PSKH1: variants seen among roughly 807,000 people sequenced by gnomAD.
PSKH1 encodes serine/threonine-protein kinase H1.
In PSKH1, 12 loss-of-function variants were observed where a neutral mutation model predicts 26.7. That is an observed-to-expected ratio of 0.45 (90% CI 0.29 to 0.73). PSKH1 has a LOEUF of 0.73. PSKH1 is among the 30% of genes least tolerant of loss of function. The pLI, the probability that PSKH1 is intolerant of heterozygous loss-of-function variation, is 0.11. For missense variants in PSKH1, 431 were observed against 595.2 expected, an observed-to-expected ratio of 0.72 and a Z score of 2.87; for synonymous variants, 213 against 234.3, an observed-to-expected ratio of 0.91 and a Z score of 0.83.
Position 67,909,026 on chromosome 16 carries a change from C to G in PSKH1, c.277C>G (p.Arg93Gly). 1 of 1,614,140 alleles carries G rather than the reference C, an allele frequency of 6.2e-7. No individual in the cohort carries two copies. The highest frequency in any genetic ancestry group is 8.5e-7 in the Non-Finnish European group (1 of 1,180,028). Reference sequence around the variant, plus strand: ...TAAGTACAGGGCCAAGTTTGACCCACGTGTTACAGCTAAGTATGACATCAA... The same window carrying G: ...TAAGTACAGGGCCAAGTTTGACCCAGGTGTTACAGCTAAGTATGACATCAA... ...VAKYRAKFDP[R>G]VTAKYDIKAL... The change falls in exon 2 of 3, where the codon CGT becomes GGT. Residue 93 changes from arginine (R) to glycine (G), a missense_variant. Arg to Gly is a moderately radical substitution (Grantham distance 125). Transcript: ENST00000291041. The surrounding 1 kb of genome is among the most constrained non-coding windows in gnomAD (Gnocchi z 7.8).
rs114583394 is a variant in PSKH1 at position 67,916,877 on chromosome 16, C to T, written c.957+7171C>T. ...AGAGGATTCCAGGCTACCCTCTGAC[C>T]TGGAGAGCATGTGGGGTCCTGCCTA... On this transcript the variant is annotated intron_variant, in intron 2 of 2. Transcript: ENST00000291041. Among the ~76,000 whole-genome samples, 439 of 152,204 alleles carry T rather than the reference C, an allele frequency of 2.9e-3. 4 individuals carry two copies. Among genetic ancestry groups the T allele is most frequent in the African/African-American group, 0.01 (417 of 41,508 alleles).
chr16:67,922,369 G>T (rs144354004), intron 2 of PSKH1, among the ~76,000 whole-genome samples: 1 of 152,262 alleles, frequency 6.6e-6, no homozygotes, highest in African/African-American at 2.4e-5. Context: ...TTTGAAGGTG[G>T]GAATAGTGGG....
At chr16:67,903,931 C>A (rs1348024479) in intron 1 of PSKH1, among the ~76,000 whole-genome samples, 1 of 149,676 alleles carries the variant, frequency 6.7e-6, no homozygotes, top group Non-Finnish European at 1.5e-5. Context: ...CTCACTGCAG[C>A]CTTGATCTCT....
intron 2 of PSKH1, among the ~76,000 whole-genome samples, chr16:67,918,554 T>C (rs2058193805): frequency 6.6e-6 from 1 of 151,486 alleles, no homozygotes; most frequent in Non-Finnish European, 1.5e-5. Context: ...TGGGGCTAAG[T>C]ATACCTGAAG....
chr16:67,909,284 G>A lies in PSKH1; in HGVS notation c.535G>A (p.Glu179Lys). 6.2e-7 allele frequency: 1 copy of A among 1,614,162 alleles called. No individual in the cohort carries two copies. Among genetic ancestry groups the A allele is most frequent in the South Asian group, 1.1e-5 (1 of 91,078 alleles). Residue 179 changes from glutamate to lysine, a missense_variant, in exon 2 of 3, where the codon GAG becomes AAG. Glu to Lys is a moderately conservative substitution (Grantham distance 56, BLOSUM62 1). Transcript: ENST00000291041. The surrounding 1 kb of genome is among the most constrained non-coding windows in gnomAD (Gnocchi z 7.8). Reference protein sequence around the residue: ...YMVMELATGGELFDRIIAKGS... With the variant: ...YMVMELATGGKLFDRIIAKGS... ...GGTGATGGAGCTGGCCACTGGTGGA[G>A]AGCTCTTTGACCGCATCATTGCCAA...
intron 1 of PSKH1, among the ~76,000 whole-genome samples, chr16:67,894,223 G>C (rs938440112): frequency 3.3e-5 from 5 of 152,154 alleles, no homozygotes; most frequent in African/African-American, 1.2e-4. Flanking sequence ...CTCATTCATA[G>C]CTCACTGCAG....
chr16:67,911,446 G>A (rs1375410416), intron 2 of PSKH1, among the ~76,000 whole-genome samples: 1 of 152,126 alleles, frequency 6.6e-6, no homozygotes, highest in Non-Finnish European at 1.5e-5. Context: ...ACTTTGGGAG[G>A]CCGAGACAGG....
Position 67,909,789 on chromosome 16 carries a change from T to G in PSKH1, c.957+83T>G. 121 of 1,297,828 alleles carry G rather than the reference T, an allele frequency of 9.3e-5. No homozygotes were observed. The highest frequency in any genetic ancestry group is 1.2e-4 in the Non-Finnish European group (109 of 930,812). The allele number at this position is 1,297,828 out of a possible 1,614,324, so 80.4% of individuals were successfully genotyped here. A position where few individuals can be genotyped will look rare whatever the true frequency, so the allele number is the denominator to read the frequency against. The stretch of plus-strand genomic sequence containing the variant: ...ATCCTGCAGCTCTCAGTCAGAGGTA[T>G]GTCCTCAGGGCCATGCTCGTGAGGG... On this transcript the variant is annotated intron_variant, in intron 2 of 2. Coordinates refer to ENST00000291041, the MANE Select transcript of PSKH1 (RefSeq NM_006742.3). The surrounding 1 kb of genome is among the most constrained non-coding windows in gnomAD (Gnocchi z 7.8).
chr16:67,894,847 CTT>C (rs575854207), intron 1 of PSKH1, among the ~76,000 whole-genome samples: 14 of 151,318 alleles, frequency 9.3e-5, no homozygotes, highest in Non-Finnish European at 1.9e-4. Flanking sequence ...AGTACAGCCT[CTT>C]AATCCTGGAT....
chr16:67,918,337 G>C (rs892876636), intron 2 of PSKH1, among the ~76,000 whole-genome samples: 1 of 152,030 alleles, frequency 6.6e-6, no homozygotes, highest in African/African-American at 2.4e-5. Flanking sequence ...AGCTGTGGGT[G>C]AGCCCAGGTG....
chr16:67,917,211 A>G (rs1281465367), intron 2 of PSKH1, among the ~76,000 whole-genome samples: 1 of 152,200 alleles, frequency 6.6e-6, no homozygotes, highest in African/African-American at 2.4e-5. Flanking sequence ...GAAACTGAGG[A>G]TGGTGAGGTT....
rs1232398074 is a variant in PSKH1 at position 67,927,436 on chromosome 16, A to C, written c.1069A>C (p.Ser357Arg). ...LQALRHPWVV[S>R]MAASSSMKNL... is the part of the protein sequence containing the mutation. Reference sequence around the variant, plus strand: ...GGCCCTGAGGCACCCGTGGGTGGTGAGCATGGCTGCCTCTTCATCCATGAA... The same window carrying C: ...GGCCCTGAGGCACCCGTGGGTGGTGCGCATGGCTGCCTCTTCATCCATGAA... The change falls in exon 3 of 3, where the codon AGC becomes CGC. Residue 357 changes from serine (S) to arginine (R), a missense_variant. Ser to Arg is a moderately radical substitution (Grantham distance 110). Transcript: ENST00000291041. The surrounding 1 kb of genome is among the most constrained non-coding windows in gnomAD (Gnocchi z 5.5). 1 of 1,614,066 alleles carries C rather than the reference A, an allele frequency of 6.2e-7. No individual in the cohort carries two copies. The highest frequency in any genetic ancestry group is 8.5e-7 in the Non-Finnish European group (1 of 1,180,044).
chr16:67,898,625 CTTTTTTT>C lies in PSKH1; in HGVS notation c.-71+5263_-71+5269del, dbSNP rs141319654. 2.1e-4 allele frequency among the ~76,000 whole-genome samples: 29 copies of C among 139,064 alleles called. No individual in the cohort carries two copies. In the South Asian group the frequency reaches 6.2e-3, roughly 30 times the overall value. The allele number at this position is 139,064 out of a possible 152,430, so 91.2% of individuals were successfully genotyped here. On this transcript the variant is annotated intron_variant, in intron 1 of 2. Transcript: ENST00000291041. ...AGTTTTTCTTTCTTTTTCTTTCTTTCTTTTTTTTTTTTTTTGGAGATGGAGTCTCGCT... is the reference window on the plus strand; with the variant it reads ...AGTTTTTCTTTCTTTTTCTTTCTTTCTTTTTTTTGGAGATGGAGTCTCGCT...
At chr16:67,914,207 T>G (rs532175135) in intron 2 of PSKH1, among the ~76,000 whole-genome samples, 1 of 152,104 alleles carries the variant, frequency 6.6e-6, no homozygotes, top group East Asian at 1.9e-4. Flanking sequence ...TGGAGTGCAA[T>G]GGGGCGATCT....
chr16:67,900,001 G>A (rs1598186101), intron 1 of PSKH1, among the ~76,000 whole-genome samples: 2 of 151,542 alleles, frequency 1.3e-5, no homozygotes, highest in South Asian at 2.1e-4. Context: ...CTGCCCTGTC[G>A]CTTAGGCTGG....
intron 1 of PSKH1, among the ~76,000 whole-genome samples, chr16:67,897,517 C>T (rs912013451): frequency 9.2e-5 from 14 of 152,278 alleles, no homozygotes; most frequent in East Asian, 1.9e-4. Context: ...TCAAGGGACT[C>T]TTGGTGTGGA....
intron 2 of PSKH1, among the ~76,000 whole-genome samples, chr16:67,917,081 C>T (rs535708048): frequency 6.6e-6 from 1 of 152,358 alleles, no homozygotes; most frequent in South Asian, 2.1e-4. Context: ...ATAATGCTGC[C>T]TACTGCCATT....
intron 2 of PSKH1, among the ~76,000 whole-genome samples, chr16:67,923,559 G>T (rs936075774): frequency 1.2e-4 from 19 of 152,336 alleles, no homozygotes; most frequent in African/African-American, 3.4e-4. Context: ...AGCAAGGGAA[G>T]ACCTGAGAGT....
intron 1 of PSKH1, among the ~76,000 whole-genome samples, chr16:67,907,226 G>T (rs1183360444): frequency 6.6e-6 from 1 of 151,394 alleles, no homozygotes; most frequent in Non-Finnish European, 1.5e-5. Context: ...GTCTCCCAAA[G>T]TGCTGAGGTT....
Sources: gnomAD v4.1 joint callset for allele counts (sites outside exome capture counted in the v4.1 genomes callset) on GRCh38, gnomAD v4.1.1 for gene constraint, Gnocchi (gnomAD v3.1) non-coding constraint, MANE v1.5 for transcripts, NCBI Gene and HGNC (gene_info 2026-07-23, HGNC 2026-07-21) for gene names.